Variants in ZC3H8 observed in about 807,000 individuals in gnomAD.
The protein encoded by ZC3H8 is zinc finger CCCH-type containing 8.
A neutral mutation model predicts 42.5 loss-of-function variants in ZC3H8; 27 were observed. That is an observed-to-expected ratio of 0.64 (90% CI 0.47 to 0.88). The LOEUF (loss-of-function observed/expected upper bound fraction) is 0.88. Ranked by LOEUF, ZC3H8 falls within the 40% of genes least tolerant of loss-of-function variation. ZC3H8 has a pLI of 0.00. For missense variants in ZC3H8, 277 were observed against 336.1 expected (o/e 0.82, Z 1.37); for synonymous variants, 101 against 110.1 (o/e 0.92, Z 0.52).
rs1685227906 is a variant in ZC3H8 at position 112,234,451 on chromosome 2, T to A, written c.505-215A>T. 2.0e-5 allele frequency among the ~76,000 whole-genome samples: 3 copies of A among 152,312 alleles called. No homozygotes were observed. In the Middle Eastern group the frequency reaches 0.01, roughly 518 times the overall value. On this transcript the variant is annotated intron_variant, in intron 4 of 8. Coordinates refer to ENST00000409573, the MANE Select transcript of ZC3H8 (RefSeq NM_032494.3). ...CCATCATTGAATATTAATGTTTGTA[T>A]TGATTTGAATATTTTATGATACATT...
chr2:112,229,942 C>CA lies in ZC3H8; in HGVS notation c.*15+960dup, dbSNP rs1304413377. Among the ~76,000 whole-genome samples the CA allele has an allele frequency of 9.0e-3, 1,044 of 116,544 alleles. 11 individuals are homozygous for CA. The highest frequency in any genetic ancestry group is 0.027 in the African/African-American group (855 of 31,926). 76.5% of individuals were successfully genotyped at this position (116,544 alleles called of 152,430 possible). On this transcript the variant is annotated intron_variant, in intron 8 of 8. Transcript: ENST00000409573. ...AGTAATTCTACTCACTGAGATGCCG[C>CA]AAAAAAAAAAAACAAAAAACGAAAA...
intron 1 of ZC3H8, among the ~76,000 whole-genome samples, chr2:112,254,556 C>T (rs1573933345): frequency 6.6e-6 from 1 of 152,352 alleles, no homozygotes; most frequent in East Asian, 1.9e-4. Flanking sequence ...CAGGCAACAA[C>T]GGTAAAGACA....
At position 112,213,812 on chromosome 2, in the gene ZC3H8, T is replaced by G. The variant is rs1233449320; in HGVS notation, c.*2672A>C. On this transcript the variant is annotated 3_prime_UTR_variant, in exon 9 of 9. Coordinates refer to ENST00000409573, the MANE Select transcript of ZC3H8 (RefSeq NM_032494.3). ...AAAAAAAAAAAAAAAAAAAAAAAAA[T>G]TTAGTTCTACTATTATGTGGCTTTT... is the stretch of plus-strand genomic sequence containing the variant. 1 of 132,602 alleles carries G rather than the reference T, an allele frequency of 7.5e-6. No homozygotes were observed. The highest frequency in any genetic ancestry group is 2.9e-5 in the African/African-American group (1 of 34,690). 8.2% of individuals were successfully genotyped at this position (132,602 alleles called of 1,614,324 possible). A position where few individuals can be genotyped will look rare whatever the true frequency, so the allele number is the denominator to read the frequency against.
chr2:112,216,751 A>AATT (rs920613676), intron 8 of ZC3H8, among the ~76,000 whole-genome samples: 6 of 152,046 alleles, frequency 3.9e-5, no homozygotes, highest in Non-Finnish European at 8.8e-5. Context: ...ACAAGAAAAA[A>AATT]ATTATATTAC....
At chr2:112,250,100 C>T in intron 2 of ZC3H8, 91 bp downstream of exon 2, 1 of 914,464 alleles carries the variant, frequency 1.1e-6, no homozygotes. Flanking sequence ...ATATCCATTT[C>T]CATCTGTTTT....
At chr2:112,222,684 G>A (rs992451933) in intron 8 of ZC3H8, among the ~76,000 whole-genome samples, 8 of 152,150 alleles carry the variant, frequency 5.3e-5, no homozygotes, top group Non-Finnish European at 8.8e-5. Flanking sequence ...AGGACATACT[G>A]TATGATTTCA....
At chr2:112,245,114 T>C (rs1243376739) in intron 2 of ZC3H8, among the ~76,000 whole-genome samples, 7 of 152,346 alleles carry the variant, frequency 4.6e-5, no homozygotes, top group Admixed American at 4.6e-4. Flanking sequence ...GCTACTCCAG[T>C]GAACACACTA....
intron 2 of ZC3H8, among the ~76,000 whole-genome samples, chr2:112,241,098 T>C (rs1685567482): frequency 1.3e-5 from 2 of 151,862 alleles, no homozygotes; most frequent in Admixed American, 6.6e-5. Flanking sequence ...AAGGAAGTTA[T>C]GCTCTAAAGG....
rs111575208 is a variant in ZC3H8 at position 112,234,169 on chromosome 2, C to T, written c.572G>A (p.Arg191His). Residue 191 changes from arginine (R) to histidine (H), a missense_variant, in exon 5 of 9, where the codon CGC becomes CAC. Transcript: ENST00000409573. The part of the protein sequence containing the change: ...QAFINQHTVE[R>H]KGKQICKYFL... Reference sequence around the variant, plus strand: ...ATATTTACAAATTTGTTTTCCCTTGCGTTCCACTGTATGTTGGTTGATGAA... The same window carrying T: ...ATATTTACAAATTTGTTTTCCCTTGTGTTCCACTGTATGTTGGTTGATGAA... 42 of 1,608,346 alleles carry T rather than the reference C, an allele frequency of 2.6e-5. No individual in the cohort carries two copies. Among genetic ancestry groups the T allele is most frequent in the Middle Eastern group, 1.6e-4 (1 of 6,078 alleles).
At chr2:112,241,380 T>G (rs1249735528) in intron 2 of ZC3H8, among the ~76,000 whole-genome samples, 1 of 152,118 alleles carries the variant, frequency 6.6e-6, no homozygotes, top group African/African-American at 2.4e-5. Context: ...CAACCCCTAC[T>G]AGAAAAATAC....
At chr2:112,238,918 T>C (rs1685465884) in intron 2 of ZC3H8, among the ~76,000 whole-genome samples, 1 of 152,246 alleles carries the variant, frequency 6.6e-6, no homozygotes, top group South Asian at 2.1e-4. Context: ...ACAGTACTTT[T>C]AAATGTCTTC....
At chr2:112,247,100 A>T (rs1217692079) in intron 2 of ZC3H8, among the ~76,000 whole-genome samples, 1 of 152,242 alleles carries the variant, frequency 6.6e-6, no homozygotes, top group African/African-American at 2.4e-5. Flanking sequence ...ATGGTATTGG[A>T]CACCTAACAG....
chr2:112,250,348 T>A, intron 1 of ZC3H8, 76 bp from the exon 2 acceptor site: 1 of 1,000,796 alleles, frequency 1.0e-6, no homozygotes, highest in Non-Finnish European at 1.4e-6. Context: ...TACAATTCAC[T>A]GCTTTGGCTT....
At chr2:112,217,333 A>C (rs931735510) in intron 8 of ZC3H8, among the ~76,000 whole-genome samples, 2 of 152,232 alleles carry the variant, frequency 1.3e-5, no homozygotes, top group African/African-American at 4.8e-5. Flanking sequence ...AGATCGTGCC[A>C]CTTCATTCAA....
At chr2:112,220,078 C>T (rs1269478954) in intron 8 of ZC3H8, among the ~76,000 whole-genome samples, 1 of 152,170 alleles carries the variant, frequency 6.6e-6, no homozygotes, top group Non-Finnish European at 1.5e-5. Context: ...AGACAGCATA[C>T]CATTGGGTTT....
At chr2:112,238,161 T>C (rs1685425408) in intron 3 of ZC3H8, among the ~76,000 whole-genome samples, 154 bp downstream of exon 3, 1 of 152,180 alleles carries the variant, frequency 6.6e-6, no homozygotes. Context: ...AGATGGGGTC[T>C]CTGGCCATGC....
At chr2:112,254,780 A>T in intron 1 of ZC3H8, 128 bp downstream of exon 1, 1 of 1,116,718 alleles carries the variant, frequency 9.0e-7, no homozygotes, top group Non-Finnish European at 1.3e-6. Context: ...CGGCCGGCCC[A>T]CGTGCTCCCC....
intron 3 of ZC3H8, 98 bp downstream of exon 3, chr2:112,238,217 A>G: frequency 1.6e-6 from 2 of 1,219,078 alleles, no homozygotes; most frequent in Non-Finnish European, 1.1e-6. Flanking sequence ...TAGTCTTATC[A>G]TAAGATAAAG....
In ZC3H8 at chr2:112,238,420, T is replaced by C. The variant is rs751812735; in HGVS notation, c.265A>G (p.Asn89Asp). The C allele has an allele frequency of 6.2e-7, 1 of 1,613,736 alleles. No homozygotes were observed. ...NDICSQESED[N>D]FAKELQQYIQ... ...TACTGTTGAAGCTCTTTGGCAAAAT[T>C]ATCTTCTGATTCCTGACTGCAGATA... The change falls in exon 3 of 9, where the codon AAT (asparagine) becomes GAT (aspartate). Residue 89 changes from asparagine (N) to aspartate (D), a missense_variant. Transcript: ENST00000409573.
Sources: gnomAD v4.1 joint callset for allele counts (sites outside exome capture counted in the v4.1 genomes callset) on GRCh38, gnomAD v4.1.1 for gene constraint, MANE v1.5 for transcripts, NCBI Gene and HGNC (gene_info 2026-07-23, HGNC 2026-07-21) for gene names.